Variants in EPG5 observed in about 807,000 individuals in gnomAD.
EPG5 encodes the protein ectopic P-granules 5 autophagy tethering factor.
EPG5 carries 159 observed loss-of-function variants against 302.7 expected under a neutral mutation model. The observed-to-expected ratio is 0.53, with a 90% confidence interval of 0.46 to 0.60. The LOEUF (loss-of-function observed/expected upper bound fraction) is 0.60. EPG5 is among the 20% of genes least tolerant of loss of function. The pLI is 0.00. For synonymous variants in EPG5, 1,158 were observed against 1,136.8 expected (o/e 1.02, Z -0.37); for missense variants, 2,896 against 3,092.4 (o/e 0.94, Z 1.51).
At chr18:45,950,159 G>A (rs1157846408) in intron 4 of EPG5, among the ~76,000 whole-genome samples, 5 of 152,080 alleles carry the variant, frequency 3.3e-5, no homozygotes, top group Non-Finnish European at 7.4e-5. Context: ...ATTTTTGATC[G>A]ATACTTTATC....
intron 16 of EPG5, 151 bp from the exon 17 acceptor site, chr18:45,917,970 C>A: frequency 1.4e-6 from 1 of 719,684 alleles, no homozygotes. Flanking sequence ...ATACTAAACC[C>A]AGAATTCTAG....
the EPG5 span, chr18:45,825,919 G>GCACCACA: frequency 1.0e-6 from 1 of 1,000,390 alleles, no homozygotes; most frequent in Non-Finnish European, 1.5e-6. Flanking sequence ...GCTGCGCTTG[G>GCACCACA]GGCCTGTGGT....
intron 4 of EPG5, 122 bp from the exon 5 acceptor site, chr18:45,949,713 C>T: frequency 1.7e-6 from 1 of 587,398 alleles, no homozygotes; most frequent in Non-Finnish European, 3.0e-6. Context: ...AGTAACCAGA[C>T]ACAAGATATA....
At chr18:45,963,204 T>G (rs2051184564) in intron 1 of EPG5, among the ~76,000 whole-genome samples, 1 of 151,450 alleles carries the variant, frequency 6.6e-6, no homozygotes, top group African/African-American at 2.4e-5. Context: ...GGGAGCAGAG[T>G]GCTATTGGAG....
chr18:45,949,585 C>A lies in EPG5; in HGVS notation c.1396G>T (p.Val466Leu). 6.2e-7 allele frequency: 1 copy of A among 1,602,958 alleles called. No homozygotes were observed. Among genetic ancestry groups the A allele is most frequent in the South Asian group, 1.1e-5 (1 of 90,584 alleles). The change falls in exon 5 of 44, where the codon GTG becomes TTG. Residue 466 changes from valine to leucine, a missense_variant. By Grantham distance (32) the Val-to-Leu change is conservative (BLOSUM62 1). Coordinates refer to ENST00000282041, the MANE Select transcript of EPG5 (RefSeq NM_020964.3). The stretch of plus-strand genomic sequence containing the variant: ...CCAGGACAGCCAACTCTTTGTAGCA[C>A]GGATACCTGAACAATAAAGGTCATA... Reference protein sequence around the residue: ...ILLWLQKLVSVLQRVGCPGDH... With the variant: ...ILLWLQKLVSLLQRVGCPGDH...
At position 45,934,798 on chromosome 18, in the gene EPG5, C is replaced by T. The variant is rs375688315; in HGVS notation, c.2257+11G>A. On this transcript the variant is annotated intron_variant, in intron 11 of 43. Coordinates refer to ENST00000282041, the MANE Select transcript of EPG5 (RefSeq NM_020964.3). ...GGAGAGCTGGACGCCGACTGCTCGGCGGGGCTGTACCTTGGAGCTGCTGCT... is the reference window on the plus strand; with the variant it reads ...GGAGAGCTGGACGCCGACTGCTCGGTGGGGCTGTACCTTGGAGCTGCTGCT... 1.0e-4 allele frequency: 161 copies of T among 1,594,434 alleles called. No individual in the cohort carries two copies. The highest frequency in any genetic ancestry group is 1.4e-4 in the Non-Finnish European group (159 of 1,172,782).
chr18:45,829,161 G>A, the EPG5 span: 105 of 985,330 alleles, frequency 1.1e-4, no homozygotes, highest in African/African-American at 1.4e-3. Flanking sequence ...TCAGCCTGTG[G>A]CCCTGCCTCT....
intron 15 of EPG5, 113 bp from the exon 16 acceptor site, chr18:45,922,713 T>G: frequency 7.9e-7 from 1 of 1,261,026 alleles, no homozygotes; most frequent in Non-Finnish European, 1.1e-6. Context: ...AGGAATATTC[T>G]ACTTGCTGGT....
chr18:45,948,416 T>C, intron 6 of EPG5, 87 bp downstream of exon 6: 1 of 1,040,556 alleles, frequency 9.6e-7, no homozygotes. Context: ...TAGCTGTTCT[T>C]CTTTGGATCT....
chr18:45,815,970 C>T, the EPG5 span, among the ~76,000 whole-genome samples: 1 of 152,106 alleles, frequency 6.6e-6, no homozygotes, highest in Admixed American at 6.5e-5. Flanking sequence ...GAATAGACAA[C>T]CCAGAAATAA....
In EPG5 at chr18:45,901,134, T is replaced by A. The variant is rs781643115; in HGVS notation, c.4508A>T (p.His1503Leu). The stretch of plus-strand genomic sequence containing the variant: ...AGCAAGGGGAGGCTGGGGAGCCTCA[T>A]GCTTCCGCAAGTTACTTAAAACCCT... ...KERVLSNLRK[H>L]EAPQPPLALH... The change falls in exon 26 of 44, where the codon CAT (histidine) becomes CTT (leucine). Residue 1503 changes from histidine (H) to leucine (L), a missense_variant. Transcript: ENST00000282041. The A allele has an allele frequency of 6.2e-7, 1 of 1,614,068 alleles. No homozygotes were observed. Among genetic ancestry groups the A allele is most frequent in the Non-Finnish European group, 8.5e-7 (1 of 1,180,040 alleles).
At chr18:45,841,402 C>T in the EPG5 span, among the ~76,000 whole-genome samples, 7 of 152,064 alleles carry the variant, frequency 4.6e-5, no homozygotes, top group Admixed American at 1.3e-4. Flanking sequence ...GGAGGGTGGA[C>T]GGGAGGAAGG....
At chr18:45,817,312 G>A in the EPG5 span, among the ~76,000 whole-genome samples, 6 of 152,218 alleles carry the variant, frequency 3.9e-5, no homozygotes, top group East Asian at 9.7e-4. Flanking sequence ...AAATAAAAAT[G>A]TCTCTCTTTC....
chr18:45,929,168 T>C (rs2050345160), intron 12 of EPG5, among the ~76,000 whole-genome samples, 159 bp from the exon 13 acceptor site: 1 of 152,208 alleles, frequency 6.6e-6, no homozygotes, highest in Admixed American at 6.5e-5. Context: ...CAGGCAACTG[T>C]CTACTCTGAG....
chr18:45,932,532 G>A (rs2050416448), intron 11 of EPG5, among the ~76,000 whole-genome samples: 1 of 152,132 alleles, frequency 6.6e-6, no homozygotes, highest in Non-Finnish European at 1.5e-5. Flanking sequence ...TGGTTATAAA[G>A]AATAAGCACT....
the EPG5 span, chr18:45,839,092 C>A: frequency 7.1e-7 from 1 of 1,405,764 alleles, no homozygotes; most frequent in South Asian, 1.6e-5. Flanking sequence ...CCGCCGCCGC[C>A]CAGGTGGGTG....
intron 9 of EPG5, among the ~76,000 whole-genome samples, chr18:45,942,656 G>A (rs945848220): frequency 2.0e-5 from 3 of 152,250 alleles, no homozygotes; most frequent in Middle Eastern, 3.4e-3. Context: ...TTTTGGAAGC[G>A]AAAGGAGGGA....
In EPG5 at chr18:45,865,539, C is replaced by T. The variant is rs544476216; in HGVS notation, c.6766+76G>A. ...GGAGTGCCAGTGTCCTGAACATCCTCCTGATCTCACAGTGCCTTACGCACA... is the reference window on the plus strand; with the variant it reads ...GGAGTGCCAGTGTCCTGAACATCCTTCTGATCTCACAGTGCCTTACGCACA... On this transcript the variant is annotated intron_variant, in intron 39 of 43. Coordinates refer to ENST00000282041, the MANE Select transcript of EPG5 (RefSeq NM_020964.3). 2.8e-5 allele frequency: 42 copies of T among 1,486,404 alleles called. No individual in the cohort carries two copies. The African/African-American group carries it at 5.3e-4, about 19-fold the overall frequency. The allele number at this position is 1,486,404 out of a possible 1,614,324, so 92.1% of individuals were successfully genotyped here.
rs758771528 is a variant in EPG5 at position 45,867,693 on chromosome 18, T to C, written c.6281A>G (p.Glu2094Gly). The C allele has an allele frequency of 6.2e-7, 1 of 1,614,002 alleles. No individual in the cohort carries two copies. Among genetic ancestry groups the C allele is most frequent in the Non-Finnish European group, 8.5e-7 (1 of 1,180,000 alleles). The change falls in exon 37 of 44, where the codon GAA becomes GGA. Residue 2094 changes from glutamate to glycine, a missense_variant. By Grantham distance (98) the Glu-to-Gly change is moderately conservative. Transcript: ENST00000282041. Reference protein sequence around the residue: ...CFLFLGSVLCEVNWVSVLSDA... With the variant: ...CFLFLGSVLCGVNWVSVLSDA... Reference sequence around the variant, plus strand: ...AGAGAGCACACTAACCCAGTTGACTTCACAGAGTACAGACCCCAAAAATAA... The same window carrying C: ...AGAGAGCACACTAACCCAGTTGACTCCACAGAGTACAGACCCCAAAAATAA...
Sources: gnomAD v4.1 joint callset for allele counts (sites outside exome capture counted in the v4.1 genomes callset) on GRCh38, gnomAD v4.1.1 for gene constraint, MANE v1.5 for transcripts, NCBI Gene and HGNC (gene_info 2026-07-23, HGNC 2026-07-21) for gene names.